Variants in FNIP1 observed in about 807,000 individuals in gnomAD.
FNIP1 encodes folliculin interacting protein 1.
FNIP1 carries 40 observed loss-of-function variants against 124.5 expected under a neutral mutation model. The observed-to-expected ratio is 0.32, with a 90% confidence interval of 0.25 to 0.42. FNIP1 has a LOEUF of 0.42. Among genes scored for constraint, FNIP1 ranks in the 10% least tolerant of loss-of-function variants. The pLI is 1.00. For missense variants in FNIP1, 1,176 were observed against 1,403.7 expected (o/e 0.84, Z 2.59); for synonymous variants, 472 against 470.6 (o/e 1.00, Z -0.04).
At chr5:131,713,331 C>A (rs879683400) in intron 6 of FNIP1, among the ~76,000 whole-genome samples, 12 of 152,176 alleles carry the variant, frequency 7.9e-5, no homozygotes, top group Non-Finnish European at 1.2e-4. Flanking sequence ...CAGGCGTGAG[C>A]CACCGCGCCC....
At chr5:131,734,307 T>A (rs900997954) in intron 2 of FNIP1, among the ~76,000 whole-genome samples, 17 of 152,324 alleles carry the variant, frequency 1.1e-4, no homozygotes, top group Non-Finnish European at 2.1e-4. Flanking sequence ...TTGAAGGGTT[T>A]TTTGTGTCTC....
intron 1 of FNIP1, among the ~76,000 whole-genome samples, chr5:131,790,231 T>C (rs1378164524): frequency 6.6e-6 from 1 of 151,794 alleles, no homozygotes; most frequent in East Asian, 1.9e-4. Flanking sequence ...TGACAGAAAA[T>C]GGGGAGAAGG....
intron 1 of FNIP1, among the ~76,000 whole-genome samples, chr5:131,752,621 AAAC>A (rs1770914572): frequency 6.6e-6 from 1 of 152,258 alleles, no homozygotes; most frequent in East Asian, 1.9e-4. Flanking sequence ...TAAACAGCCA[AAAC>A]AACCCCCACA....
chr5:131,701,516 C>CT (rs1288787625), intron 10 of FNIP1, among the ~76,000 whole-genome samples: 1 of 152,126 alleles, frequency 6.6e-6, no homozygotes, highest in Admixed American at 6.5e-5. Context: ...TAATCAGTGT[C>CT]TAACTTAAGA....
intron 4 of FNIP1, 29 bp from the exon 5 acceptor site, chr5:131,719,089 C>T (rs747289687): frequency 6.3e-7 from 1 of 1,590,896 alleles, no homozygotes. Context: ...AGAGAGAGAC[C>T]AAAACTAAAA....
At chr5:131,659,278 G>A (rs1767324684) in intron 15 of FNIP1, among the ~76,000 whole-genome samples, 1 of 152,248 alleles carries the variant, frequency 6.6e-6, no homozygotes, top group African/African-American at 2.4e-5. Flanking sequence ...TCATGATGGA[G>A]TTGAAGGTAG....
At chr5:131,661,220 TTGTGTGTG>T (rs370206265) in intron 15 of FNIP1, among the ~76,000 whole-genome samples, 5 of 147,636 alleles carry the variant, frequency 3.4e-5, no homozygotes, top group South Asian at 2.2e-4. Context: ...TGTCTTTGTT[TTGTGTGTG>T]TGTGTGTGTG....
intron 2 of FNIP1, among the ~76,000 whole-genome samples, chr5:131,733,082 T>C (rs1203732861): frequency 6.6e-6 from 1 of 152,138 alleles, no homozygotes; most frequent in Non-Finnish European, 1.5e-5. Flanking sequence ...TTTTATTCTC[T>C]TTGAAGCAAT....
At chr5:131,783,465 AC>A (rs1398341150) in intron 1 of FNIP1, among the ~76,000 whole-genome samples, 1 of 151,972 alleles carries the variant, frequency 6.6e-6, no homozygotes, top group Non-Finnish European at 1.5e-5. Flanking sequence ...AAAAAAAAAA[AC>A]AAGAAATTTG....
chr5:131,712,173 A>T (rs1769313963), intron 6 of FNIP1, among the ~76,000 whole-genome samples: 1 of 151,788 alleles, frequency 6.6e-6, no homozygotes. Flanking sequence ...CTTATTAAAA[A>T]ATCCTAAGTT....
At chr5:131,732,301 A>G (rs1317204796) in intron 2 of FNIP1, among the ~76,000 whole-genome samples, 1 of 152,232 alleles carries the variant, frequency 6.6e-6, no homozygotes, top group African/African-American at 2.4e-5. Flanking sequence ...AGGCATTGTT[A>G]AAAATTACAT....
intron 2 of FNIP1, among the ~76,000 whole-genome samples, chr5:131,735,701 G>A (rs1475824036): frequency 6.7e-6 from 1 of 150,372 alleles, no homozygotes; most frequent in African/African-American, 2.4e-5. Context: ...AGAACTAGAT[G>A]TGAGTTCAAA....
chr5:131,740,263 ATATAT>A lies in FNIP1; in HGVS notation c.219+4296_219+4300del, dbSNP rs1367118441. On this transcript the variant is annotated intron_variant, in intron 2 of 17. Transcript: ENST00000510461. ...TGTGTTCAAACTGGAAGCTATTTGCATATATTGAGCTTACTGATTTCTGTATATTA... is the reference window on the plus strand; with the variant it reads ...TGTGTTCAAACTGGAAGCTATTTGCATGAGCTTACTGATTTCTGTATATTA... Among the ~76,000 whole-genome samples, 20 of 152,332 alleles carry A rather than the reference ATATAT, an allele frequency of 1.3e-4. 1 individual carries two copies. The highest frequency in any genetic ancestry group is 1.3e-3 in the Admixed American group (20 of 15,306).
intron 8 of FNIP1, among the ~76,000 whole-genome samples, chr5:131,707,555 T>C (rs1374683413): frequency 2.6e-5 from 4 of 152,166 alleles, no homozygotes; most frequent in South Asian, 2.1e-4. Flanking sequence ...TGCAAACATG[T>C]AGACCATCAA....
chr5:131,764,921 T>C (rs1771367914), intron 1 of FNIP1, among the ~76,000 whole-genome samples: 1 of 152,070 alleles, frequency 6.6e-6, no homozygotes, highest in Non-Finnish European at 1.5e-5. Flanking sequence ...GAAGCATGCT[T>C]TCTTTAAGAT....
chr5:131,714,107 T>C (rs1189666116), intron 6 of FNIP1, among the ~76,000 whole-genome samples: 1 of 152,216 alleles, frequency 6.6e-6, no homozygotes, highest in Non-Finnish European at 1.5e-5. Flanking sequence ...ACATAGCTGA[T>C]AGGCTGCTCC....
At chr5:131,682,350 A>T (rs771475629) in intron 11 of FNIP1, among the ~76,000 whole-genome samples, 9 of 152,236 alleles carry the variant, frequency 5.9e-5, no homozygotes, top group Non-Finnish European at 1.2e-4. Flanking sequence ...GTTATCAAGT[A>T]TAAAGAAGGC....
intron 9 of FNIP1, 35 bp downstream of exon 9, chr5:131,706,376 C>T: frequency 1.3e-6 from 2 of 1,566,910 alleles, no homozygotes; most frequent in Non-Finnish European, 8.7e-7. Context: ...TAAGGAACTA[C>T]TCAATCTTGT....
chr5:131,795,067 G>A (rs1772537351), intron 1 of FNIP1, among the ~76,000 whole-genome samples: 1 of 152,192 alleles, frequency 6.6e-6, no homozygotes, highest in African/African-American at 2.4e-5. Context: ...TTAGCTATGT[G>A]ACATTAACCA....
Sources: allele counts gnomAD v4.1 joint callset (sites outside exome capture counted in the v4.1 genomes callset), GRCh38; gene constraint gnomAD v4.1.1; transcripts MANE v1.5; gene names NCBI Gene and HGNC (gene_info 2026-07-23, HGNC 2026-07-21).